SORL1: variants seen among roughly 807,000 people sequenced by gnomAD.
The protein encoded by SORL1 is sortilin related receptor 1.
In SORL1, 127 loss-of-function variants were observed where a neutral mutation model predicts 273.7. The observed-to-expected ratio is 0.46, with a 90% CI of 0.40 to 0.54. The LOEUF is 0.54. Ranked by LOEUF, SORL1 falls within the 20% of genes least tolerant of loss-of-function variation. SORL1 has a pLI of 0.00. For missense variants in SORL1, 2,494 were observed against 2,846.1 expected (o/e 0.88, Z 2.81); for synonymous variants, 1,031 against 1,067.4 (o/e 0.97, Z 0.66).
intron 1 of SORL1, among the ~76,000 whole-genome samples, chr11:121,460,132 A>G (rs368497084): frequency 2.0e-5 from 3 of 152,182 alleles, no homozygotes; most frequent in African/African-American, 7.2e-5. Flanking sequence ...AGAGACCAAT[A>G]TGTTGTTTAT....
chr11:121,491,473 C>G (rs1451005457), intron 5 of SORL1, among the ~76,000 whole-genome samples: 1 of 152,120 alleles, frequency 6.6e-6, no homozygotes, highest in East Asian at 1.9e-4. Context: ...AACAGCTATC[C>G]ATTCACTCAC....
intron 2 of SORL1, among the ~76,000 whole-genome samples, chr11:121,477,708 G>A (rs572873268): frequency 1.8e-4 from 28 of 152,192 alleles, no homozygotes; most frequent in African/African-American, 6.3e-4. Flanking sequence ...TGGGAGCCAC[G>A]TTCAGGATCC....
chr11:121,592,357 T>C (rs1863229334), intron 31 of SORL1, among the ~76,000 whole-genome samples: 1 of 152,166 alleles, frequency 6.6e-6, no homozygotes, highest in Admixed American at 6.5e-5. Flanking sequence ...GGGGTGTTTA[T>C]AAAAAAATGT....
In SORL1 at chr11:121,488,023, C is replaced by T. The variant is rs1591296887; in HGVS notation, c.529-9C>T. 1 of 1,613,866 alleles carries T rather than the reference C, an allele frequency of 6.2e-7. No homozygotes were observed. Among genetic ancestry groups the T allele is most frequent in the East Asian group, 2.2e-5 (1 of 44,880 alleles). ...GGCCTGCTCTCAACTTACCTGTTTT[C>T]CCTTGCAGTACATCTTTGCAGACGC... On this transcript the variant is annotated splice_polypyrimidine_tract_variant and intron_variant, in intron 3 of 47. Coordinates refer to ENST00000260197, the MANE Select transcript of SORL1 (RefSeq NM_003105.6).
intron 32 of SORL1, 42 bp from the exon 33 acceptor site, chr11:121,604,151 C>G: frequency 6.2e-7 from 1 of 1,608,414 alleles, no homozygotes; most frequent in Non-Finnish European, 8.5e-7. Flanking sequence ...TAGTACCATA[C>G]GGCCCCTCCC....
chr11:121,614,547 C>A, intron 40 of SORL1: 1 of 238,920 alleles, frequency 4.2e-6, no homozygotes, highest in Non-Finnish European at 8.1e-6. Flanking sequence ...TCTCTGACTT[C>A]ATGGGATAAC....
chr11:121,496,287 A>AAGG (rs1861628318), intron 5 of SORL1, among the ~76,000 whole-genome samples: 1 of 152,240 alleles, frequency 6.6e-6, no homozygotes, highest in Admixed American at 6.5e-5. Context: ...GAAGGACATC[A>AAGG]AGGAGATCAG....
At chr11:121,559,300 G>A (rs758702961) in intron 20 of SORL1, among the ~76,000 whole-genome samples, 7 of 152,222 alleles carry the variant, frequency 4.6e-5, no homozygotes, top group Admixed American at 6.5e-5. Flanking sequence ...AAACTTGAAT[G>A]CTTATCAGAT....
intron 22 of SORL1, among the ~76,000 whole-genome samples, chr11:121,569,199 C>T (rs1591331310): frequency 6.6e-6 from 1 of 152,324 alleles, no homozygotes; most frequent in East Asian, 1.9e-4. Context: ...ATCCCGTCAT[C>T]TTCGTAAGCT....
chr11:121,570,431 A>G (rs1194271987), intron 23 of SORL1, among the ~76,000 whole-genome samples, 161 bp downstream of exon 23: 3 of 152,192 alleles, frequency 2.0e-5, no homozygotes, highest in Non-Finnish European at 4.4e-5. Flanking sequence ...ATATTTCCAT[A>G]CACAGGTAGA....
rs1018830322 is a variant in SORL1 at position 121,595,168 on chromosome 11, C to T, written c.4370-455C>T. ...GGAGGGGATATAAGGAATGTAGCTG[C>T]GTCTTAAACATCATTCAGTCAGTTC... is the stretch of plus-strand genomic sequence containing the variant. On this transcript the variant is annotated intron_variant, in intron 31 of 47. Coordinates refer to ENST00000260197, the MANE Select transcript of SORL1 (RefSeq NM_003105.6). This position sits in a 1 kb window ranked among gnomAD's most constrained non-coding sequence, Gnocchi z 5.1. 3.3e-5 allele frequency among the ~76,000 whole-genome samples: 5 copies of T among 152,174 alleles called. No homozygotes were observed. Among genetic ancestry groups the T allele is most frequent in the South Asian group, 2.1e-4 (1 of 4,826 alleles).
intron 3 of SORL1, among the ~76,000 whole-genome samples, chr11:121,482,804 G>A (rs1339446831): frequency 6.6e-6 from 1 of 152,266 alleles, no homozygotes; most frequent in Non-Finnish European, 1.5e-5. Flanking sequence ...AAAGGGCAGC[G>A]TGGATGTCTA....
rs1862550065 is a variant in SORL1 at position 121,554,543 on chromosome 11, A to G, written c.2439+434A>G. 1.3e-5 allele frequency among the ~76,000 whole-genome samples: 2 copies of G among 152,220 alleles called. No individual in the cohort carries two copies. The highest frequency in any genetic ancestry group is 4.8e-5 in the African/African-American group (2 of 41,464). ...AGGTAAGAACCAGGAAGTAAGCATTAAAGAGCCCTGGACAGGCCAGGTGGA... is the reference window on the plus strand; with the variant it reads ...AGGTAAGAACCAGGAAGTAAGCATTGAAGAGCCCTGGACAGGCCAGGTGGA... On this transcript the variant is annotated intron_variant, in intron 17 of 47. Transcript: ENST00000260197. The surrounding 1 kb of genome is among the most constrained non-coding windows in gnomAD (Gnocchi z 4.6).
intron 6 of SORL1, among the ~76,000 whole-genome samples, chr11:121,500,080 T>A (rs1189704811): frequency 2.0e-5 from 3 of 152,236 alleles, no homozygotes; most frequent in Admixed American, 6.5e-5. Flanking sequence ...CCTTGCTTTT[T>A]GACATGAAGT....
chr11:121,482,150 G>A (rs147344906), intron 3 of SORL1, among the ~76,000 whole-genome samples: 25 of 152,316 alleles, frequency 1.6e-4, no homozygotes, highest in African/African-American at 6.0e-4. Flanking sequence ...GAAGGAGGAG[G>A]GTTAGTGCAG....
At position 121,545,317 on chromosome 11, in the gene SORL1, C is replaced by T. The variant is rs762014245; in HGVS notation, c.1939C>T (p.His647Tyr). 5 of 1,614,126 alleles carry T rather than the reference C, an allele frequency of 3.1e-6. No individual in the cohort carries two copies. The highest frequency in any genetic ancestry group is 4.2e-6 in the Non-Finnish European group (5 of 1,180,010). ...GCGGGGGAATGAGTGTTTGCTGGGACACAAGACTGTTTTCAAACGGCGGAC... is the reference window on the plus strand; with the variant it reads ...GCGGGGGAATGAGTGTTTGCTGGGATACAAGACTGTTTTCAAACGGCGGAC... The part of the protein sequence containing the change: ...DERGNECLLG[H>Y]KTVFKRRTPH... Residue 647 changes from histidine to tyrosine, a missense_variant, in exon 14 of 48, where the codon CAC (histidine) becomes TAC (tyrosine). Physicochemically the swap from His to Tyr is moderately conservative, Grantham distance 83. Around this residue, in one of 3 missense-constraint regions of SORL1, gnomAD observed 710 missense variants for 882.5 expected, o/e 0.80. Transcript: ENST00000260197.
chr11:121,615,888 C>T (rs1863632130), intron 41 of SORL1, among the ~76,000 whole-genome samples: 1 of 152,136 alleles, frequency 6.6e-6, no homozygotes, highest in Non-Finnish European at 1.5e-5. Context: ...TAAATATTCC[C>T]ATTTTGCCAG....
Position 121,557,402 on chromosome 11 carries a change from A to G in SORL1, c.2660A>G (p.Glu887Gly), listed in dbSNP as rs763834704. The change falls in exon 19 of 48, where the codon GAG (glutamate) becomes GGG (glycine). Residue 887 changes from glutamate to glycine, a missense_variant. Glu to Gly is a moderately conservative substitution (Grantham distance 98, BLOSUM62 -2). Transcript: ENST00000260197. ...AGGGCTCTGGTCCTCGTGCCCCAAG[A>G]GGGGTAAGTGTTGCCCCAAAAGGAA... ...RPRALVLVPQ[E>G]GVMFWTDWGD... 22 of 1,612,234 alleles carry G rather than the reference A, an allele frequency of 1.4e-5. No homozygotes were observed. In the South Asian group the frequency reaches 2.0e-4, roughly 14 times the overall value.
chr11:121,463,469 A>G lies in SORL1; in HGVS notation c.286-6538A>G, dbSNP rs567059632. Reference sequence around the variant, plus strand: ...CAAGGATCAATCAGAAAGGGAAATAAGCTCTCTAAACTGATATTATAAGGC... The same window carrying G: ...CAAGGATCAATCAGAAAGGGAAATAGGCTCTCTAAACTGATATTATAAGGC... On this transcript the variant is annotated intron_variant, in intron 1 of 47. Transcript: ENST00000260197. Among the ~76,000 whole-genome samples, 10 of 152,316 alleles carry G rather than the reference A, an allele frequency of 6.6e-5. No homozygotes were observed. In the South Asian group the frequency reaches 2.1e-3, roughly 32 times the overall value.
Sources: allele counts gnomAD v4.1 joint callset (sites outside exome capture counted in the v4.1 genomes callset), GRCh38; gene constraint gnomAD v4.1.1; regional missense constraint gnomAD v4.1.1; non-coding constraint Gnocchi (gnomAD v3.1); transcripts MANE v1.5; gene names NCBI Gene and HGNC (gene_info 2026-07-23, HGNC 2026-07-21).